The following SMC2 variants were observed in gnomAD, a reference collection of about 807,000 sequenced individuals.
SMC2 encodes structural maintenance of chromosomes protein 2.
SMC2 carries 41 observed loss-of-function variants against 142.6 expected under a neutral mutation model. The ratio of observed to expected loss-of-function variants is 0.29; its 90% CI spans 0.22 to 0.37. The LOEUF is 0.37. Ranked by LOEUF, SMC2 falls within the 10% of genes least tolerant of loss-of-function variation. SMC2 has a pLI of 1.00. For missense variants in SMC2, 1,265 were observed against 1,373.7 expected, an observed-to-expected ratio of 0.92 and a Z score of 1.25; for synonymous variants, 463 against 457.5, an observed-to-expected ratio of 1.01 and a Z score of -0.15.
At chr9:104,105,011 C>A (rs761703423) in intron 9 of SMC2, among the ~76,000 whole-genome samples, 2 of 152,176 alleles carry the variant, frequency 1.3e-5, no homozygotes, top group African/African-American at 4.8e-5. Context: ...TGTGTCTCTG[C>A]GATACCTGAG....
chr9:104,098,598 T>C (rs764914282), intron 4 of SMC2, 30 bp downstream of exon 4: 1 of 1,567,532 alleles, frequency 6.4e-7, no homozygotes, highest in Non-Finnish European at 8.6e-7. Context: ...TATATCACTT[T>C]CGTAATAGTT....
chr9:104,127,210 T>C (rs7023408), intron 19 of SMC2, 76 bp from the exon 20 acceptor site: 21,630 of 1,164,026 alleles, frequency 0.019, 1,165 homozygotes, highest in African/African-American at 0.18. Context: ...CAGGGATCTG[T>C]CAGATAATTG....
intron 9 of SMC2, among the ~76,000 whole-genome samples, chr9:104,103,719 CA>C (rs1831431630): frequency 6.6e-6 from 1 of 152,086 alleles, no homozygotes; most frequent in African/African-American, 2.4e-5. Context: ...TGAAGGTATA[CA>C]TTTGCCTTTT....
At position 104,124,997 on chromosome 9, in the gene SMC2, A is replaced by C; in HGVS notation, c.2343A>C (p.Lys781Asn). The C allele has an allele frequency of 6.2e-7, 1 of 1,605,550 alleles. No individual in the cohort carries two copies. The highest frequency in any genetic ancestry group is 1.1e-5 in the South Asian group (1 of 88,766). The change falls in exon 18 of 25, where the codon AAA becomes AAC. Residue 781 changes from lysine (K) to asparagine (N), a missense_variant. Lys to Asn is a moderately conservative substitution (Grantham distance 94, BLOSUM62 0). Transcript: ENST00000374793. ...ATGAAGTATTGGAAAATAAAATGAA[A>C]AATGCAGAAGCTGAAAGAGAGCGAG... is the stretch of plus-strand genomic sequence containing the variant. Reference protein sequence around the residue: ...EKYEVLENKMKNAEAEREREL... With the variant: ...EKYEVLENKMNNAEAEREREL...
chr9:104,116,460 T>TA (rs1380537322), intron 14 of SMC2, 141 bp downstream of exon 14: 6 of 672,028 alleles, frequency 8.9e-6, no homozygotes, highest in Non-Finnish European at 1.2e-5. Flanking sequence ...CTTGTGCAAT[T>TA]AGATGATAAG....
intron 7 of SMC2, 62 bp from the exon 8 acceptor site, chr9:104,101,898 A>C: frequency 2.9e-6 from 3 of 1,020,286 alleles, no homozygotes; most frequent in Non-Finnish European, 4.4e-6. Context: ...TTCATCTTGC[A>C]TAATTGAATT....
At position 104,099,701 on chromosome 9, in the gene SMC2, G is replaced by A. The variant is rs766086641; in HGVS notation, c.480+19G>A. The A allele has an allele frequency of 8.3e-6, 12 of 1,450,186 alleles. No individual in the cohort carries two copies. The South Asian group carries it at 1.0e-4, about 13-fold the overall frequency. 89.8% of individuals were successfully genotyped at this position (1,450,186 alleles called of 1,614,324 possible). A position where few individuals can be genotyped will look rare whatever the true frequency, so the allele number is the denominator to read the frequency against. ...TCCAGAGGTAAGAGTACTATTTATG[G>A]ACATTAAAAATAGTTGGTATAGATA... On this transcript the variant is annotated intron_variant, in intron 5 of 24. Transcript: ENST00000374793.
intron 16 of SMC2, among the ~76,000 whole-genome samples, 186 bp downstream of exon 16, chr9:104,120,348 CT>C (rs1309745776): frequency 2.0e-5 from 3 of 152,080 alleles, no homozygotes; most frequent in African/African-American, 7.3e-5. Context: ...AGAGAGATGT[CT>C]TTGTTAAGAA....
At position 104,141,000 on chromosome 9, in the gene SMC2, T is replaced by C; in HGVS notation, c.*1685T>C. 6.6e-6 allele frequency: 1 copy of C among 152,232 alleles called. No individual in the cohort carries two copies. The highest frequency in any genetic ancestry group is 1.9e-4 in the East Asian group (1 of 5,202). 9.4% of individuals were successfully genotyped at this position (152,232 alleles called of 1,614,324 possible). ...TTGTGTGCGTTCCTGATTTTTGTCTTGTATAATCTTGATCTTTGAAAACCC... is the reference window on the plus strand; with the variant it reads ...TTGTGTGCGTTCCTGATTTTTGTCTCGTATAATCTTGATCTTTGAAAACCC... On this transcript the variant is annotated 3_prime_UTR_variant, in exon 25 of 25. Transcript: ENST00000374793.
At chr9:104,125,892 C>CT (rs1834215487) in intron 18 of SMC2, among the ~76,000 whole-genome samples, 1 of 147,236 alleles carries the variant, frequency 6.8e-6, no homozygotes. Flanking sequence ...TTAGCCCACT[C>CT]TAAGATTCTT....
At chr9:104,130,804 C>G (rs947417421) in intron 21 of SMC2, among the ~76,000 whole-genome samples, 1 of 152,050 alleles carries the variant, frequency 6.6e-6, no homozygotes, top group Non-Finnish European at 1.5e-5. Flanking sequence ...CACTTTTACT[C>G]GTTTACTTCT....
Position 104,102,499 on chromosome 9 carries a change from G to T in SMC2, c.946G>T (p.Ala316Ser), listed in dbSNP as rs199917130. Residue 316 changes from alanine (A) to serine (S), a missense_variant, in exon 9 of 25, where the codon GCA (alanine) becomes TCA (serine). Coordinates refer to ENST00000374793, the MANE Select transcript of SMC2 (RefSeq NM_006444.3). ...GCGAGTTAATACTAAATCTCAAAGC[G>T]CATTTGATCTCAAGAAGAAAAATCT... ...AQRVNTKSQS[A>S]FDLKKKNLAC... The T allele has an allele frequency of 3.1e-6, 5 of 1,613,530 alleles. No homozygotes were observed. Among genetic ancestry groups the T allele is most frequent in the Middle Eastern group, 1.7e-4 (1 of 6,056 alleles).
Position 104,102,455 on chromosome 9 carries a change from A to G in SMC2, c.902A>G (p.Asp301Gly), listed in dbSNP as rs757022801. 1 of 1,610,760 alleles carries G rather than the reference A, an allele frequency of 6.2e-7. No homozygotes were observed. Residue 301 changes from aspartate (D) to glycine (G), a missense_variant, in exon 9 of 25, where the codon GAT becomes GGT. By Grantham distance (94) the Asp-to-Gly change is moderately conservative. This residue lies in a region of SMC2 where 898 missense variants were observed against 904.2 expected (regional missense o/e 0.99). Coordinates refer to ENST00000374793, the MANE Select transcript of SMC2 (RefSeq NM_006444.3). ...ETGGILRSLE[D>G]ALAEAQRVNT... ...GGAGGTATACTTCGATCTTTAGAAG[A>G]TGCTCTTGCAGAGGCTCAGCGAGTT...
intron 9 of SMC2, 44 bp downstream of exon 9, chr9:104,102,617 A>G (rs777091397): frequency 1.9e-6 from 3 of 1,564,534 alleles, no homozygotes; most frequent in Admixed American, 1.8e-5. Context: ...GTAGACAAGT[A>G]TATAGTCTCA....
At chr9:104,107,465 A>G (rs1433974599) in intron 9 of SMC2, among the ~76,000 whole-genome samples, 1 of 152,184 alleles carries the variant, frequency 6.6e-6, no homozygotes. Context: ...AATGTTTTAA[A>G]AGCAGCACCA....
At position 104,140,855 on chromosome 9, in the gene SMC2, AAC is replaced by A. The variant is rs1190395796; in HGVS notation, c.*1542_*1543del. On this transcript the variant is annotated 3_prime_UTR_variant, in exon 25 of 25. Transcript: ENST00000374793. ...CTGTTAATTTTAATATTTCTGATTT[AAC>A]AGTTAGTTATTAAGTGGTACTTCAT... 1.3e-5 allele frequency: 2 copies of A among 152,218 alleles called. No individual in the cohort carries two copies. The highest frequency in any genetic ancestry group is 4.8e-5 in the African/African-American group (2 of 41,450). 9.4% of individuals were successfully genotyped at this position (152,218 alleles called of 1,614,324 possible).
At chr9:104,093,629 G>A (rs188870946), upstream of SMC2, among the ~76,000 whole-genome samples, 177 of 152,218 alleles carry the variant, frequency 1.2e-3, 1 homozygote, top group East Asian at 4.4e-3. Flanking sequence ...AACGCTTTCC[G>A]GTATAAGGGA....
chr9:104,096,111 G>A (rs762066389), intron 2 of SMC2, 37 bp from the exon 3 acceptor site: 3 of 1,596,056 alleles, frequency 1.9e-6, no homozygotes, highest in South Asian at 2.2e-5. Context: ...ACGGTAGGGA[G>A]TTTTGTAATT....
chr9:104,105,612 C>G (rs1243125592), intron 9 of SMC2, among the ~76,000 whole-genome samples: 1 of 152,068 alleles, frequency 6.6e-6, no homozygotes, highest in Non-Finnish European at 1.5e-5. Flanking sequence ...TGGGACCTGC[C>G]CACTGAGGTT....
Sources: allele counts gnomAD v4.1 joint callset (sites outside exome capture counted in the v4.1 genomes callset), GRCh38; gene constraint gnomAD v4.1.1; regional missense constraint gnomAD v4.1.1; transcripts MANE v1.5; gene names NCBI Gene and HGNC (gene_info 2026-07-23, HGNC 2026-07-21).